The following SCRG1 variants were observed in gnomAD, a reference collection of about 807,000 sequenced individuals.
The protein encoded by SCRG1 is scrapie-responsive protein 1.
A neutral mutation model predicts 7.7 loss-of-function variants in SCRG1; 3 were observed. The ratio of observed to expected loss-of-function variants is 0.39; its 90% CI spans 0.18 to 1.01. The LOEUF (loss-of-function observed/expected upper bound fraction) is 1.01, where lower values mean the gene tolerates loss of function less well. Ranked by LOEUF, SCRG1 falls within the 50% of genes least tolerant of loss-of-function variation. The pLI, the probability that SCRG1 is intolerant of heterozygous loss-of-function variation, is 0.36. For synonymous variants in SCRG1, 46 were observed against 41.2 expected (o/e 1.12, Z -0.44); for missense variants, 110 against 117.2 (o/e 0.94, Z 0.28).
chr4:173,466,051 T>A, the SCRG1 span, among the ~76,000 whole-genome samples: 1 of 152,136 alleles, frequency 6.6e-6, no homozygotes, highest in Non-Finnish European at 1.5e-5. Context: ...CCCCTTCCCC[T>A]TGGTTTAAAG....
chr4:173,392,617 A>G (rs1490282603), intron 1 of SCRG1, among the ~76,000 whole-genome samples: 1 of 152,224 alleles, frequency 6.6e-6, no homozygotes, highest in East Asian at 1.9e-4. Context: ...TCTGGTTTCT[A>G]CATTAGATGT....
chr4:173,484,972 A>AAT, the SCRG1 span, among the ~76,000 whole-genome samples: 3 of 24,884 alleles, frequency 1.2e-4, no homozygotes, highest in Non-Finnish European at 1.5e-4. Flanking sequence ...TATTATATAT[A>AAT]ATATTATAAA....
At chr4:173,469,496 A>G in the SCRG1 span, 2 of 152,206 alleles carry the variant, frequency 1.3e-5, no homozygotes, top group Non-Finnish European at 2.9e-5. Context: ...CATTCATTAA[A>G]TTGGCAAGAT....
chr4:173,496,341 G>A, the SCRG1 span, among the ~76,000 whole-genome samples: 2 of 152,046 alleles, frequency 1.3e-5, no homozygotes, highest in East Asian at 1.9e-4. Flanking sequence ...AAAAGAGAGG[G>A]TGAATTTGAA....
At chr4:173,454,123 GGA>G in the SCRG1 span, among the ~76,000 whole-genome samples, 2 of 151,324 alleles carry the variant, frequency 1.3e-5, no homozygotes, top group South Asian at 4.2e-4. Flanking sequence ...GTGCGATCTA[GGA>G]AGGCAGCTGG....
At chr4:173,506,707 C>G in the SCRG1 span, among the ~76,000 whole-genome samples, 1 of 152,158 alleles carries the variant, frequency 6.6e-6, no homozygotes, top group Non-Finnish European at 1.5e-5. This position sits in a 1 kb window ranked among gnomAD's most constrained non-coding sequence, Gnocchi z 5.3. Context: ...CTCTAACTTC[C>G]CTTCACTTCC....
At chr4:173,443,028 G>A in the SCRG1 span, among the ~76,000 whole-genome samples, 1 of 152,154 alleles carries the variant, frequency 6.6e-6, no homozygotes, top group Admixed American at 6.6e-5. Context: ...TGAAGTATGA[G>A]GTTAGGAAAG....
chr4:173,423,669 A>AATTTTT, the SCRG1 span, among the ~76,000 whole-genome samples: 1 of 150,748 alleles, frequency 6.6e-6, no homozygotes. Flanking sequence ...TTTTTTTTTA[A>AATTTTT]TTTTTTTTTT....
the SCRG1 span, among the ~76,000 whole-genome samples, chr4:173,434,569 G>A: frequency 2.9e-4 from 44 of 152,284 alleles, 1 homozygote; most frequent in African/African-American, 9.9e-4. Flanking sequence ...GGTGGCTCAC[G>A]CCTGTAATCC....
upstream of SCRG1, among the ~76,000 whole-genome samples, chr4:173,400,030 T>C (rs776362273): frequency 2.2e-4 from 34 of 152,102 alleles, no homozygotes; most frequent in Non-Finnish European, 4.1e-4. Context: ...AATTGATGAA[T>C]TACCTCATAT....
chr4:173,398,242 A>G (rs1313551365), intron 1 of SCRG1: 15 of 152,212 alleles, frequency 9.9e-5, no homozygotes, highest in Non-Finnish European at 7.3e-5. Flanking sequence ...CAGACATATC[A>G]TCTTAAATAT....
chr4:173,425,672 C>T, the SCRG1 span, among the ~76,000 whole-genome samples: 1 of 152,324 alleles, frequency 6.6e-6, no homozygotes, highest in South Asian at 2.1e-4. Flanking sequence ...TCTGAACATT[C>T]GTTCCTGACA....
chr4:173,389,829 A>C (rs770591899), intron 2 of SCRG1: 1 of 421,436 alleles, frequency 2.4e-6, no homozygotes, highest in Middle Eastern at 3.4e-4. Flanking sequence ...TTTCCTTGGT[A>C]AGATGGTTAT....
chr4:173,465,138 G>T, the SCRG1 span, among the ~76,000 whole-genome samples: 1 of 152,146 alleles, frequency 6.6e-6, no homozygotes, highest in Non-Finnish European at 1.5e-5. Flanking sequence ...TTTCTGTTTG[G>T]TAAGGTGAAA....
At chr4:173,512,128 C>A in the SCRG1 span, among the ~76,000 whole-genome samples, 18 of 152,334 alleles carry the variant, frequency 1.2e-4, no homozygotes, top group African/African-American at 4.1e-4. Context: ...GGCTTCCAGT[C>A]TGATGAACAG....
chr4:173,402,105 T>G (rs1164103982), upstream of SCRG1, among the ~76,000 whole-genome samples: 1 of 152,214 alleles, frequency 6.6e-6, no homozygotes, highest in African/African-American at 2.4e-5. Flanking sequence ...AGACCACCTG[T>G]TTCTTTGAGA....
At chr4:173,484,226 A>T in the SCRG1 span, among the ~76,000 whole-genome samples, 1 of 83,080 alleles carries the variant, frequency 1.2e-5, no homozygotes, top group South Asian at 3.8e-4. Flanking sequence ...TATTATATAT[A>T]ATATATATTT....
At chr4:173,455,773 G>A in the SCRG1 span, among the ~76,000 whole-genome samples, 3 of 150,338 alleles carry the variant, frequency 2.0e-5, no homozygotes, top group South Asian at 6.3e-4. Context: ...GCTTAAAAAG[G>A]AATATATATT....
the SCRG1 span, among the ~76,000 whole-genome samples, chr4:173,416,731 G>A: frequency 1.3e-5 from 2 of 152,190 alleles, no homozygotes; most frequent in African/African-American, 4.8e-5. Flanking sequence ...CTCTCCCTTC[G>A]TGTGACGGCC....
Sources: gnomAD v4.1 joint callset for allele counts (sites outside exome capture counted in the v4.1 genomes callset) on GRCh38, gnomAD v4.1.1 for gene constraint, Gnocchi (gnomAD v3.1) non-coding constraint, MANE v1.5 for transcripts, NCBI Gene and HGNC (gene_info 2026-07-23, HGNC 2026-07-21) for gene names.